The following TUBGCP4 variants were observed in gnomAD, a reference collection of about 807,000 sequenced individuals.
TUBGCP4 encodes tubulin gamma complex component 4.
A neutral mutation model predicts 91.6 loss-of-function variants in TUBGCP4; 54 were observed. That is an observed-to-expected ratio of 0.59 (90% CI 0.47 to 0.74). The LOEUF (loss-of-function observed/expected upper bound fraction) is 0.74. Among genes scored for constraint, TUBGCP4 ranks in the 30% least tolerant of loss-of-function variants. TUBGCP4 has a pLI of 0.00. For synonymous variants in TUBGCP4, 297 were observed against 302.8 expected (o/e 0.98, Z 0.20); for missense variants, 593 against 800.9 (o/e 0.74, Z 3.13).
At chr15:43,376,768 AT>A in intron 3 of TUBGCP4, 143 bp downstream of exon 3, 1 of 1,228,842 alleles carries the variant, frequency 8.1e-7, no homozygotes, top group Non-Finnish European at 1.1e-6. Context: ...TCTCTCAGTG[AT>A]TGCCCAACCT....
chr15:43,401,932 A>C, intron 15 of TUBGCP4, 82 bp downstream of exon 15: 8 of 1,518,630 alleles, frequency 5.3e-6, no homozygotes, highest in Non-Finnish European at 7.2e-6. Flanking sequence ...AGGATACGAA[A>C]CCATCATTAA....
intron 10 of TUBGCP4, 146 bp from the exon 11 acceptor site, chr15:43,395,437 C>T (rs1003278152): frequency 3.2e-5 from 23 of 728,824 alleles, no homozygotes; most frequent in Middle Eastern, 2.6e-4. Context: ...CTAAGTATGC[C>T]TCTTTGAAAT....
At chr15:43,379,595 T>C (rs185377217) in intron 5 of TUBGCP4, among the ~76,000 whole-genome samples, 23 of 145,894 alleles carry the variant, frequency 1.6e-4, no homozygotes, top group African/African-American at 5.5e-4. Flanking sequence ...GAGCCAAGAT[T>C]GCACCACTGC....
At chr15:43,374,718 G>A (rs896555992) in intron 1 of TUBGCP4, among the ~76,000 whole-genome samples, 1 of 152,160 alleles carries the variant, frequency 6.6e-6, no homozygotes, top group Non-Finnish European at 1.5e-5. Context: ...TTGTACACCC[G>A]TGTTCACCAA....
At chr15:43,403,898 C>G in intron 16 of TUBGCP4, 99 bp downstream of exon 16, 1 of 821,676 alleles carries the variant, frequency 1.2e-6, no homozygotes, top group Non-Finnish European at 2.1e-6. Context: ...AAAGCATTTC[C>G]TCAATACACA....
At chr15:43,402,814 G>A (rs553290229) in intron 15 of TUBGCP4, 2 of 152,310 alleles carry the variant, frequency 1.3e-5, no homozygotes, top group South Asian at 2.1e-4. Context: ...CTAATGGAAC[G>A]GTTATGCCTC....
Position 43,385,870 on chromosome 15 carries a change from T to G in TUBGCP4, c.803T>G (p.Ile268Ser), listed in dbSNP as rs2044349223. Reference sequence around the variant, plus strand: ...CGAGTGGAGATTTTGCCATCCTACATTCCAGTGAGGGTTGCTGAAAAAATC... The same window carrying G: ...CGAGTGGAGATTTTGCCATCCTACAGTCCAGTGAGGGTTGCTGAAAAAATC... ...SLRVEILPSYIPVRVAEKILF... is the reference protein window; with the variant it reads ...SLRVEILPSYSPVRVAEKILF... Residue 268 changes from isoleucine to serine, a missense_variant, in exon 8 of 18, where the codon ATT (isoleucine) becomes AGT (serine). By Grantham distance (142) the Ile-to-Ser change is moderately radical. Transcript: ENST00000564079. The G allele has an allele frequency of 6.2e-7, 1 of 1,614,162 alleles. No homozygotes were observed. The highest frequency in any genetic ancestry group is 1.3e-5 in the African/African-American group (1 of 75,028).
chr15:43,394,808 G>A, intron 9 of TUBGCP4: 1 of 407,964 alleles, frequency 2.5e-6, no homozygotes, highest in Non-Finnish European at 4.5e-6. Flanking sequence ...TTTGCCTTCT[G>A]CCATGATTGT....
Position 43,409,265 on chromosome 15 carries a change from A to C in TUBGCP4, c.*4051A>C, listed in dbSNP as rs2045032431. 1.6e-6 allele frequency: 1 copy of C among 636,320 alleles called. No homozygotes were observed. The highest frequency in any genetic ancestry group is 2.7e-6 in the Non-Finnish European group (1 of 364,310). The allele number at this position is 636,320 out of a possible 1,614,324, so 39.4% of individuals were successfully genotyped here. A position where few individuals can be genotyped will look rare whatever the true frequency, so the allele number is the denominator to read the frequency against. Reference sequence around the variant, plus strand: ...ACTCTTCTCACTGGAAGGCCCAAGTAATTTCCATAGATGTTCTCTCTGCCT... The same window carrying C: ...ACTCTTCTCACTGGAAGGCCCAAGTCATTTCCATAGATGTTCTCTCTGCCT... On this transcript the variant is annotated 3_prime_UTR_variant, in exon 18 of 18. Coordinates refer to ENST00000564079, the MANE Select transcript of TUBGCP4 (RefSeq NM_014444.5).
chr15:43,407,939 G>A lies in TUBGCP4; in HGVS notation c.*2725G>A. The A allele has an allele frequency of 6.2e-7, 1 of 1,610,528 alleles. No homozygotes were observed. Among genetic ancestry groups the A allele is most frequent in the South Asian group, 1.1e-5 (1 of 90,890 alleles). ...AAAGACACTACACACACTCTTTCAG[G>A]TACCTTTGTTATGGGCACTTGAATG... On this transcript the variant is annotated 3_prime_UTR_variant, in exon 18 of 18. Transcript: ENST00000564079.
Position 43,407,612 on chromosome 15 carries a change from A to G in TUBGCP4, c.*2398A>G, listed in dbSNP as rs1040889469. ...AAAGTGAAGAAGGAAAGGACACTCA[A>G]CTTAGCCCTCCATTAGAAAGAGAGA... is the stretch of plus-strand genomic sequence containing the variant. On this transcript the variant is annotated 3_prime_UTR_variant, in exon 18 of 18. Coordinates refer to ENST00000564079, the MANE Select transcript of TUBGCP4 (RefSeq NM_014444.5). The G allele has an allele frequency of 7.1e-6, 11 of 1,559,932 alleles. No individual in the cohort carries two copies. In the Middle Eastern group the frequency reaches 5.1e-4, roughly 72 times the overall value.
Position 43,395,581 on chromosome 15 carries a change from A to G in TUBGCP4, c.1066-2A>G, listed in dbSNP as rs1422840109. 2.5e-6 allele frequency: 4 copies of G among 1,611,224 alleles called. No individual in the cohort carries two copies. The highest frequency in any genetic ancestry group is 2.7e-5 in the African/African-American group (2 of 74,840). Reference sequence around the variant, plus strand: ...AATTGTAAATTGAAATTCTTTCCTCAGATCATTAAAGACTTTTACCTTCTG... The same window carrying G: ...AATTGTAAATTGAAATTCTTTCCTCGGATCATTAAAGACTTTTACCTTCTG... On this transcript the variant is annotated splice_acceptor_variant, in intron 10 of 17. Coordinates refer to ENST00000564079, the MANE Select transcript of TUBGCP4 (RefSeq NM_014444.5). LOFTEE classifies it high-confidence loss of function.
chr15:43,389,287 T>C (rs1031387757), intron 9 of TUBGCP4, among the ~76,000 whole-genome samples: 1 of 152,248 alleles, frequency 6.6e-6, no homozygotes, highest in Non-Finnish European at 1.5e-5. Context: ...GTTAATCTTA[T>C]AACTTGCAAC....
intron 9 of TUBGCP4, among the ~76,000 whole-genome samples, chr15:43,390,849 G>A (rs1195038224): frequency 7.2e-5 from 11 of 151,856 alleles, no homozygotes; most frequent in Non-Finnish European, 1.6e-4. Context: ...ACAGCTTCTC[G>A]CTCTGTCACC....
chr15:43,399,269 C>A, intron 13 of TUBGCP4: 2 of 570,734 alleles, frequency 3.5e-6, no homozygotes, highest in Non-Finnish European at 4.9e-6. Flanking sequence ...CCTGAACTTG[C>A]AGGGAGGCAG....
At chr15:43,375,255 A>G (rs910733398) in intron 1 of TUBGCP4, among the ~76,000 whole-genome samples, 2 of 152,346 alleles carry the variant, frequency 1.3e-5, no homozygotes, top group Non-Finnish European at 2.9e-5. Context: ...CAGAGGCAGT[A>G]GAGTGGTGTT....
Position 43,409,750 on chromosome 15 carries a change from A to G in TUBGCP4, c.*4536A>G. 7.8e-7 allele frequency: 1 copy of G among 1,281,586 alleles called. No individual in the cohort carries two copies. Among genetic ancestry groups the G allele is most frequent in the Non-Finnish European group, 1.1e-6 (1 of 949,710 alleles). The allele number at this position is 1,281,586 out of a possible 1,614,324, so 79.4% of individuals were successfully genotyped here. On this transcript the variant is annotated 3_prime_UTR_variant, in exon 18 of 18. Transcript: ENST00000564079. ...AGGAATTTCCAAAAATTCTATATTA[A>G]AAAAAAAAACCAAGATAATAATTAC...
At chr15:43,399,069 T>C (rs2044626744) in intron 13 of TUBGCP4, 1 of 1,151,048 alleles carries the variant, frequency 8.7e-7, no homozygotes, top group Non-Finnish European at 1.1e-6. Context: ...TTCAAATCAG[T>C]TTCCAAACAA....
chr15:43,383,478 A>G lies in TUBGCP4; in HGVS notation c.697A>G (p.Lys233Glu). ...EDLGIGGLTG[K>E]QLRELQDLRL... ...TCTGGGCATTGGGGGACTGACAGGAAAACAACTGAGAGAACTGCAGGACTT... is the reference window on the plus strand; with the variant it reads ...TCTGGGCATTGGGGGACTGACAGGAGAACAACTGAGAGAACTGCAGGACTT... Residue 233 changes from lysine (K) to glutamate (E), a missense_variant, in exon 7 of 18, where the codon AAA becomes GAA. Physicochemically the swap from Lys to Glu is moderately conservative, Grantham distance 56. Coordinates refer to ENST00000564079, the MANE Select transcript of TUBGCP4 (RefSeq NM_014444.5). 1 of 1,612,096 alleles carries G rather than the reference A, an allele frequency of 6.2e-7. No individual in the cohort carries two copies. The highest frequency in any genetic ancestry group is 8.5e-7 in the Non-Finnish European group (1 of 1,179,090).
Sources: allele counts gnomAD v4.1 joint callset (sites outside exome capture counted in the v4.1 genomes callset), GRCh38; gene constraint gnomAD v4.1.1; transcripts MANE v1.5; gene names NCBI Gene and HGNC (gene_info 2026-07-23, HGNC 2026-07-21).